The following ACSS2 variants were observed in gnomAD, a reference collection of about 807,000 sequenced individuals.
ACSS2 encodes acyl-CoA synthetase short chain family member 2, also known as acetyl-coenzyme A synthetase, cytoplasmic.
ACSS2 carries 58 observed loss-of-function variants against 90.6 expected under a neutral mutation model. The ratio of observed to expected loss-of-function variants is 0.64; its 90% confidence interval spans 0.52 to 0.80. The LOEUF is 0.80. Among genes scored for constraint, ACSS2 ranks in the 30% least tolerant of loss-of-function variants. The pLI is 0.00. For synonymous variants in ACSS2, 300 were observed against 330.9 expected (o/e 0.91, Z 1.01); for missense variants, 759 against 912.0 (o/e 0.83, Z 2.16).
chr20:34,884,178 T>C (rs2080135619), intron 2 of ACSS2, among the ~76,000 whole-genome samples: 1 of 152,230 alleles, frequency 6.6e-6, no homozygotes, highest in Non-Finnish European at 1.5e-5. Flanking sequence ...CAGGCTGTTC[T>C]CAAACTCCTG....
intron 2 of ACSS2, among the ~76,000 whole-genome samples, chr20:34,899,547 T>A (rs551988368): frequency 6.6e-6 from 1 of 151,422 alleles, no homozygotes; most frequent in East Asian, 2.0e-4. Context: ...TGGAGTGCAA[T>A]GGCATGATCT....
intron 7 of ACSS2, among the ~76,000 whole-genome samples, chr20:34,919,057 G>A (rs2081135570): frequency 6.6e-6 from 1 of 152,150 alleles, no homozygotes; most frequent in African/African-American, 2.4e-5. Context: ...GAAACATGGT[G>A]TTGTGATCAA....
In ACSS2 at chr20:34,921,460, A is replaced by G; in HGVS notation, c.1408A>G (p.Thr470Ala). ...CGTGGACACCTTCTGGCAAACAGAG[A>G]CAGTGAGTGAAGGGTACAGAAGGCT... The part of the protein sequence containing the change: ...PIVDTFWQTE[T>A]GGHMLTPLPG... Residue 470 changes from threonine (T) to alanine (A), a missense_variant and splice_region_variant, in exon 11 of 18, where the codon ACA (threonine) becomes GCA (alanine). By Grantham distance (58) the Thr-to-Ala change is moderately conservative (BLOSUM62 0). Transcript: ENST00000360596. 6.2e-7 allele frequency: 1 copy of G among 1,614,216 alleles called. No homozygotes were observed. The highest frequency in any genetic ancestry group is 8.5e-7 in the Non-Finnish European group (1 of 1,180,044).
chr20:34,920,862 T>C, intron 9 of ACSS2, 144 bp from the exon 10 acceptor site: 1 of 1,475,786 alleles, frequency 6.8e-7, no homozygotes, highest in Non-Finnish European at 9.2e-7. Context: ...GTATCCTGAC[T>C]AGGATGGTAT....
chr20:34,900,512 G>A (rs2080630900), intron 2 of ACSS2, among the ~76,000 whole-genome samples: 1 of 151,922 alleles, frequency 6.6e-6, no homozygotes, highest in Admixed American at 6.6e-5. Flanking sequence ...GTACAGTCCT[G>A]GCTCCCTCAA....
chr20:34,897,335 A>G (rs2080488384), intron 2 of ACSS2, among the ~76,000 whole-genome samples: 1 of 152,076 alleles, frequency 6.6e-6, no homozygotes, highest in Non-Finnish European at 1.5e-5. Context: ...GAAGTGCAAT[A>G]CTCATTAGCA....
intron 1 of ACSS2, among the ~76,000 whole-genome samples, 179 bp downstream of exon 1, chr20:34,877,002 A>G (rs1232918940): frequency 1.3e-5 from 2 of 152,266 alleles, no homozygotes; most frequent in East Asian, 3.9e-4. Context: ...CGAGGGTTCC[A>G]TGGGAGCTGG....
At chr20:34,926,454 G>A (rs1224800110) in intron 16 of ACSS2, among the ~76,000 whole-genome samples, 173 bp downstream of exon 16, 9 of 152,144 alleles carry the variant, frequency 5.9e-5, no homozygotes, top group Non-Finnish European at 1.3e-4. Context: ...TCTCCCACTA[G>A]GATAATAATA....
At chr20:34,916,053 G>A (rs970025150) in intron 7 of ACSS2, among the ~76,000 whole-genome samples, 1 of 152,262 alleles carries the variant, frequency 6.6e-6, no homozygotes, top group South Asian at 2.1e-4. Context: ...TCTTCACAGG[G>A]TGTCTTACTC....
chr20:34,900,337 A>ATT (rs35829893), intron 2 of ACSS2, among the ~76,000 whole-genome samples: 3 of 142,020 alleles, frequency 2.1e-5, no homozygotes. Flanking sequence ...GCCCGGCTAA[A>ATT]TTTTTTTTTT....
chr20:34,905,937 G>A (rs1022137418), intron 2 of ACSS2, among the ~76,000 whole-genome samples: 16 of 152,106 alleles, frequency 1.1e-4, no homozygotes, highest in Admixed American at 9.2e-4. Flanking sequence ...ACCTTAAGTC[G>A]TGGTCCCTGC....
intron 2 of ACSS2, among the ~76,000 whole-genome samples, chr20:34,896,599 A>G (rs950271075): frequency 2.0e-5 from 3 of 152,194 alleles, no homozygotes; most frequent in Non-Finnish European, 4.4e-5. Flanking sequence ...TTAAGTGCTC[A>G]CTGTGTATTG....
At chr20:34,913,622 C>T in intron 4 of ACSS2, 126 bp downstream of exon 4, 1 of 1,246,742 alleles carries the variant, frequency 8.0e-7, no homozygotes, top group Non-Finnish European at 1.2e-6. Flanking sequence ...TGTCATAGGT[C>T]CATATTAGTT....
At chr20:34,882,744 A>C in intron 1 of ACSS2, 50 bp from the exon 2 acceptor site, 1 of 1,569,156 alleles carries the variant, frequency 6.4e-7, no homozygotes, top group Non-Finnish European at 8.7e-7. Flanking sequence ...TTCTGAGGCT[A>C]AATATGTCTC....
rs2081237452 is a variant in ACSS2 at position 34,923,094 on chromosome 20, G to C, written c.1549-229G>C. On this transcript the variant is annotated intron_variant, in intron 13 of 17. Transcript: ENST00000360596. ...TCACAATAACTTTGGAAGACAGAAA[G>C]TATTTTCTCTGATTTACAGATGAGG... 1.3e-5 allele frequency: 6 copies of C among 473,288 alleles called. No homozygotes were observed. In the South Asian group the frequency reaches 1.7e-4, roughly 14 times the overall value. 29.3% of individuals were successfully genotyped at this position (473,288 alleles called of 1,614,324 possible).
In ACSS2 at chr20:34,925,046, AACTTTGCTGG is replaced by A. The variant is rs553649745; in HGVS notation, c.1658-650_1658-641del. On this transcript the variant is annotated intron_variant, in intron 14 of 17. Transcript: ENST00000360596. ...AGAATTGATTTACTGTTTAGAAAATAACTTTGCTGGATTTATGGAGAATAGAGTTTAGGTG... is the reference window on the plus strand; with the variant it reads ...AGAATTGATTTACTGTTTAGAAAATAATTTATGGAGAATAGAGTTTAGGTG... Among the ~76,000 whole-genome samples, 781 of 152,328 alleles carry A rather than the reference AACTTTGCTGG, an allele frequency of 5.1e-3. 5 individuals carry two copies. The highest frequency in any genetic ancestry group is 0.018 in the African/African-American group (757 of 41,574).
chr20:34,896,372 A>C (rs1311485003), intron 2 of ACSS2, among the ~76,000 whole-genome samples: 1 of 152,040 alleles, frequency 6.6e-6, no homozygotes, highest in Non-Finnish European at 1.5e-5. Flanking sequence ...CTCAAGAAAC[A>C]CTTCTTGACA....
intron 2 of ACSS2, among the ~76,000 whole-genome samples, chr20:34,909,949 C>A (rs2095951276): frequency 6.6e-6 from 1 of 151,812 alleles, no homozygotes; most frequent in African/African-American, 2.4e-5. Flanking sequence ...ACTCCTGACC[C>A]CAGGTGATCT....
rs1489467602 is a variant in ACSS2 at position 34,911,583 on chromosome 20, T to TA, written c.375-1510dup. ...AATAGATGGGCCCACTTTGGCCTCC[T>TA]AAAGTGTTAGAATTACAGGTGTGAG... is the stretch of plus-strand genomic sequence containing the variant. On this transcript the variant is annotated intron_variant, in intron 2 of 17. Transcript: ENST00000360596. Among the ~76,000 whole-genome samples, 5 of 152,088 alleles carry TA rather than the reference T, an allele frequency of 3.3e-5. No individual in the cohort carries two copies. The East Asian group carries it at 9.7e-4, about 29-fold the overall frequency.
Sources: allele counts gnomAD v4.1 joint callset (sites outside exome capture counted in the v4.1 genomes callset), GRCh38; gene constraint gnomAD v4.1.1; transcripts MANE v1.5; gene names NCBI Gene and HGNC (gene_info 2026-07-23, HGNC 2026-07-21).